PRKAA2: variants seen among roughly 807,000 people sequenced by gnomAD.
PRKAA2 encodes protein kinase AMP-activated catalytic subunit alpha 2.
Under a neutral mutation model 56.3 loss-of-function variants are expected in PRKAA2, and 40 were observed. That is an observed-to-expected ratio of 0.71 (90% confidence interval 0.55 to 0.92). PRKAA2 has a LOEUF of 0.92. Ranked by LOEUF, PRKAA2 falls within the 40% of genes least tolerant of loss-of-function variation. The pLI, the probability that PRKAA2 is intolerant of heterozygous loss-of-function variation, is 0.00. For synonymous variants in PRKAA2, 214 were observed against 234.2 expected (o/e 0.91, Z 0.79); for missense variants, 542 against 686.9 (o/e 0.79, Z 2.36).
rs1305735280 is a variant in PRKAA2, at chr1:56,706,100, T to C, written c.1302T>C (p.Asn434=). The change falls in exon 8 of 9, where the codon AAT becomes AAC. Residue 434 remains asparagine (N), a synonymous_variant. Coordinates refer to ENST00000371244, the MANE Select transcript of PRKAA2 (RefSeq NM_006252.4). ...KQLDFEWKVV[N]AYHLRVRRKN... ...TTGATTTTTCACTTTAGGTAGTGAATGCATACCATCTTCGTGTAAGAAGAA... is the reference window on the plus strand; with the variant it reads ...TTGATTTTTCACTTTAGGTAGTGAACGCATACCATCTTCGTGTAAGAAGAA... The C allele has an allele frequency of 6.2e-7, 1 of 1,609,650 alleles. No individual in the cohort carries two copies. Among genetic ancestry groups the C allele is most frequent in the Non-Finnish European group, 8.5e-7 (1 of 1,176,340 alleles).
chr1:56,682,609 G>T (rs1432908528), intron 2 of PRKAA2, among the ~76,000 whole-genome samples: 1 of 152,174 alleles, frequency 6.6e-6, no homozygotes, highest in African/African-American at 2.4e-5. Flanking sequence ...TAAGAAATTT[G>T]ATTGTGTTCT....
chr1:56,707,769 AT>A lies in PRKAA2; in HGVS notation c.*61del. 1 of 1,436,004 alleles carries A rather than the reference AT, an allele frequency of 7.0e-7. No homozygotes were observed. Among genetic ancestry groups the A allele is most frequent in the Non-Finnish European group, 9.6e-7 (1 of 1,039,602 alleles). 89.0% of individuals were successfully genotyped at this position (1,436,004 alleles called of 1,614,324 possible). On this transcript the variant is annotated 3_prime_UTR_variant, in exon 9 of 9. Transcript: ENST00000371244. ...TATGAAAATCAGTTATATTCTTTAA[AT>A]TTTTATCTTACTTTTGGATAATATC...
At chr1:56,655,282 T>TATATATA (rs1557542428) in intron 1 of PRKAA2, among the ~76,000 whole-genome samples, 119 of 54,296 alleles carry the variant, frequency 2.2e-3, no homozygotes, top group African/African-American at 0.012. Context: ...ATATATATAT[T>TATATATA]TTTTTTTTTT....
intron 2 of PRKAA2, among the ~76,000 whole-genome samples, chr1:56,683,622 G>A (rs537811295): frequency 1.1e-3 from 165 of 152,250 alleles, no homozygotes; most frequent in Non-Finnish European, 2.0e-3. Context: ...GTGTGGTGGA[G>A]GGGTGGTGGG....
chr1:56,681,158 T>C (rs1202209700), intron 2 of PRKAA2, among the ~76,000 whole-genome samples: 2 of 152,234 alleles, frequency 1.3e-5, no homozygotes, highest in Non-Finnish European at 2.9e-5. Context: ...ATGTCTTCTT[T>C]TGAGAAATGT....
intron 2 of PRKAA2, 68 bp downstream of exon 2, chr1:56,674,590 A>G: frequency 8.0e-7 from 1 of 1,252,662 alleles, no homozygotes; most frequent in African/African-American, 1.6e-5. Flanking sequence ...GGAATTTTAT[A>G]ATAATTGTTA....
At chr1:56,655,710 G>T (rs1175254136) in intron 1 of PRKAA2, among the ~76,000 whole-genome samples, 2 of 152,096 alleles carry the variant, frequency 1.3e-5, no homozygotes, top group Non-Finnish European at 2.9e-5. Context: ...TGGCTAAAAG[G>T]CAGAAGAACT....
Position 56,674,430 on chromosome 1 carries a change from T to A in PRKAA2, c.144T>A (p.Asn48Lys). Residue 48 changes from asparagine (N) to lysine (K), a missense_variant, in exon 2 of 9, where the codon AAT becomes AAA. By Grantham distance (94) the Asn-to-Lys change is moderately conservative (BLOSUM62 0). Around this residue, in one of 5 missense-constraint regions of PRKAA2, gnomAD observed 121 missense variants for 210.0 expected, o/e 0.58. Coordinates refer to ENST00000371244, the MANE Select transcript of PRKAA2 (RefSeq NM_006252.4). ...TGHKVAVKIL[N>K]RQKIRSLDVV... The stretch of plus-strand genomic sequence containing the variant: ...ATAAAGTGGCAGTTAAAATCTTAAA[T>A]AGACAGAAGATTCGCAGTTTAGATG... 6.3e-7 allele frequency: 1 copy of A among 1,584,370 alleles called. No individual in the cohort carries two copies. Among genetic ancestry groups the A allele is most frequent in the Non-Finnish European group, 8.6e-7 (1 of 1,167,060 alleles).
intron 6 of PRKAA2, among the ~76,000 whole-genome samples, 171 bp from the exon 7 acceptor site, chr1:56,703,800 A>G (rs963958887): frequency 6.6e-6 from 1 of 152,226 alleles, no homozygotes; most frequent in Admixed American, 6.5e-5. Context: ...AACCATAGTT[A>G]TTCAAGGGTG....
rs1338428369 is a variant in PRKAA2, at chr1:56,708,964, G to T, written c.*1251G>T. On this transcript the variant is annotated 3_prime_UTR_variant, in exon 9 of 9. Transcript: ENST00000371244. ...TGTTTGTTTGTTTTGCTTTGTGCAG[G>T]TTTTCTTTAAGATTAAAAAAACACA... 2 of 151,520 alleles carry T rather than the reference G, an allele frequency of 1.3e-5. No individual in the cohort carries two copies. The highest frequency in any genetic ancestry group is 6.6e-5 in the Admixed American group (1 of 15,210). The allele number at this position is 151,520 out of a possible 1,614,324, so 9.4% of individuals were successfully genotyped here. A position where few individuals can be genotyped will look rare whatever the true frequency, so the allele number is the denominator to read the frequency against.
intron 1 of PRKAA2, 53 bp downstream of exon 1, chr1:56,645,534 C>T (rs570937923): frequency 2.2e-5 from 31 of 1,411,114 alleles, no homozygotes; most frequent in South Asian, 7.8e-5. Context: ...TGCGGGAGGC[C>T]GAGGGGAGAG....
intron 2 of PRKAA2, among the ~76,000 whole-genome samples, chr1:56,689,983 C>A (rs2897036): frequency 0.026 from 3,880 of 150,510 alleles, 189 homozygotes; most frequent in African/African-American, 0.092. Flanking sequence ...ACAAAAGTAA[C>A]GCGGTGAAAC....
At chr1:56,677,957 C>T (rs2100409052) in intron 2 of PRKAA2, among the ~76,000 whole-genome samples, 1 of 152,234 alleles carries the variant, frequency 6.6e-6, no homozygotes, top group African/African-American at 2.4e-5. Context: ...GCGCCCAGGC[C>T]CGAAGACTTA....
chr1:56,703,999 C>G lies in PRKAA2; in HGVS notation c.817C>G (p.Pro273Ala), dbSNP rs1464949361. The change falls in exon 7 of 9, where the codon CCC (proline) becomes GCC (alanine). Residue 273 changes from proline (P) to alanine (A), a missense_variant. Around this residue, in one of 5 missense-constraint regions of PRKAA2, gnomAD observed 198 missense variants for 234.0 expected, o/e 0.85. Transcript: ENST00000371244. ...REHEWFKQDLPSYLFPEDPSY... is the reference protein window; with the variant it reads ...REHEWFKQDLASYLFPEDPSY... Reference sequence around the variant, plus strand: ...GCATGAATGGTTTAAACAAGATTTGCCCAGTTACTTATTTCCTGAAGACCC... The same window carrying G: ...GCATGAATGGTTTAAACAAGATTTGGCCAGTTACTTATTTCCTGAAGACCC... 2 of 1,610,912 alleles carry G rather than the reference C, an allele frequency of 1.2e-6. No individual in the cohort carries two copies. The highest frequency in any genetic ancestry group is 2.7e-5 in the African/African-American group (2 of 74,936).
chr1:56,671,072 T>C (rs1326375306), intron 1 of PRKAA2, among the ~76,000 whole-genome samples: 1 of 152,212 alleles, frequency 6.6e-6, no homozygotes, highest in Non-Finnish European at 1.5e-5. Context: ...CCAAGCCTTT[T>C]CTTTTAATTT....
Position 56,706,130 on chromosome 1 carries a change from T to C in PRKAA2, c.1332T>C (p.Asn444=). 1 of 1,612,892 alleles carries C rather than the reference T, an allele frequency of 6.2e-7. No individual in the cohort carries two copies. The highest frequency in any genetic ancestry group is 1.1e-5 in the South Asian group (1 of 91,032). The change falls in exon 8 of 9, where the codon AAT becomes AAC. Residue 444 remains asparagine (N), a synonymous_variant. Transcript: ENST00000371244. The part of the protein sequence containing the change: ...NAYHLRVRRK[N]PVTGNYVKMS... ...ACCATCTTCGTGTAAGAAGAAAAAA[T>C]CCAGTGACTGGCAATTACGTGAAAA...
At chr1:56,689,542 A>AC (rs554123078) in intron 2 of PRKAA2, among the ~76,000 whole-genome samples, 231 of 151,646 alleles carry the variant, frequency 1.5e-3, no homozygotes, top group African/African-American at 5.3e-3. Context: ...ACATGGTGAA[A>AC]CCCCCCTCTC....
intron 8 of PRKAA2, among the ~76,000 whole-genome samples, chr1:56,706,502 T>C (rs1644333296): frequency 6.6e-6 from 1 of 152,230 alleles, no homozygotes; most frequent in Non-Finnish European, 1.5e-5. Context: ...GTTTTACTTT[T>C]CAAAATTAAC....
In PRKAA2 at chr1:56,678,693, ATTTT is replaced by A. The variant is rs144835366; in HGVS notation, c.236+4188_236+4191del. ...AGTCTGGTAGAGATGATCTTGTCTA[ATTTT>A]TTTTTTTTTTTTTTTTGAGACAAAG... On this transcript the variant is annotated intron_variant, in intron 2 of 8. Transcript: ENST00000371244. 1.6e-3 allele frequency among the ~76,000 whole-genome samples: 195 copies of A among 123,450 alleles called. 1 individual carries two copies. Among genetic ancestry groups the A allele is most frequent in the Middle Eastern group, 4.5e-3 (1 of 224 alleles). The allele number at this position is 123,450 out of a possible 152,430, so 81.0% of individuals were successfully genotyped here. A position where few individuals can be genotyped will look rare whatever the true frequency, so the allele number is the denominator to read the frequency against.
Sources: allele counts gnomAD v4.1 joint callset (sites outside exome capture counted in the v4.1 genomes callset), GRCh38; gene constraint gnomAD v4.1.1; regional missense constraint gnomAD v4.1.1; transcripts MANE v1.5; gene names NCBI Gene and HGNC (gene_info 2026-07-23, HGNC 2026-07-21).